FIGN: variants seen among roughly 807,000 people sequenced by gnomAD.
The protein encoded by FIGN is fidgetin, microtubule severing factor.
In FIGN, 11 loss-of-function variants were observed where a neutral mutation model predicts 51.3. That is an observed-to-expected ratio of 0.21 (90% CI 0.13 to 0.35). The LOEUF is 0.35. Ranked by LOEUF, FIGN falls within the 10% of genes least tolerant of loss-of-function variation. FIGN has a pLI of 1.00. For missense variants in FIGN, 857 were observed against 943.6 expected, an observed-to-expected ratio of 0.91 and a Z score of 1.20; for synonymous variants, 407 against 363.2, an observed-to-expected ratio of 1.12 and a Z score of -1.37.
At chr2:163,655,766 T>C in intron 2 of FIGN, among the ~76,000 whole-genome samples, 1 of 147,912 alleles carries the variant, frequency 6.8e-6, no homozygotes, top group African/African-American at 2.6e-5. Context: ...CTACACTACA[T>C]ACATAAACAC....
intron 2 of FIGN, among the ~76,000 whole-genome samples, chr2:163,638,464 T>C (rs1683259037): frequency 1.3e-5 from 2 of 152,126 alleles, no homozygotes; most frequent in African/African-American, 2.4e-5. Flanking sequence ...CAATTAGTAA[T>C]GTGGTGCCCA....
chr2:163,617,925 G>A (rs893901389), intron 2 of FIGN, among the ~76,000 whole-genome samples: 1 of 152,076 alleles, frequency 6.6e-6, no homozygotes, highest in African/African-American at 2.4e-5. Flanking sequence ...AAGGCCAGGG[G>A]TGCATTAAAG....
At chr2:163,644,490 G>C (rs537066566) in intron 2 of FIGN, among the ~76,000 whole-genome samples, 12 of 152,190 alleles carry the variant, frequency 7.9e-5, no homozygotes, top group Non-Finnish European at 1.3e-4. Flanking sequence ...GTGAAAATGT[G>C]AAGTGCGGCT....
intron 2 of FIGN, among the ~76,000 whole-genome samples, chr2:163,626,473 T>A (rs560821763): frequency 6.6e-6 from 1 of 152,212 alleles, no homozygotes; most frequent in South Asian, 2.1e-4. Context: ...AGAGAATGTA[T>A]GCTTTCTATG....
At chr2:163,613,419 C>T (rs1474727061) in intron 2 of FIGN, among the ~76,000 whole-genome samples, 1 of 152,012 alleles carries the variant, frequency 6.6e-6, no homozygotes, top group Non-Finnish European at 1.5e-5. Flanking sequence ...TCAGTTTCTA[C>T]CCCCTTCTGT....
intron 2 of FIGN, among the ~76,000 whole-genome samples, chr2:163,617,864 C>G (rs989369408): frequency 3.3e-5 from 5 of 152,216 alleles, no homozygotes; most frequent in Non-Finnish European, 5.9e-5. Flanking sequence ...GAAACTATTT[C>G]CCAACTGTGA....
chr2:163,714,130 C>T (rs997905043), intron 2 of FIGN, among the ~76,000 whole-genome samples: 1 of 152,152 alleles, frequency 6.6e-6, no homozygotes, highest in Non-Finnish European at 1.5e-5. Context: ...GAGCCTTAAA[C>T]CTTCATGGCA....
chr2:163,702,879 C>T (rs898209539), intron 2 of FIGN, among the ~76,000 whole-genome samples: 1 of 151,970 alleles, frequency 6.6e-6, no homozygotes, highest in Admixed American at 6.6e-5. Flanking sequence ...AAAAAGAGTA[C>T]CAATTATCCC....
At chr2:163,639,568 C>T (rs1232171240) in intron 2 of FIGN, among the ~76,000 whole-genome samples, 7 of 152,036 alleles carry the variant, frequency 4.6e-5, no homozygotes, top group Non-Finnish European at 8.8e-5. Context: ...GGTGATAGTG[C>T]CTCAGATACA....
chr2:163,649,530 C>T (rs1196405926), intron 2 of FIGN, among the ~76,000 whole-genome samples: 1 of 152,158 alleles, frequency 6.6e-6, no homozygotes, highest in East Asian at 1.9e-4. Flanking sequence ...CCCAGCTGAG[C>T]TCAGCCTTCC....
At chr2:163,723,586 C>A (rs749642672) in intron 2 of FIGN, among the ~76,000 whole-genome samples, 1 of 152,058 alleles carries the variant, frequency 6.6e-6, no homozygotes, top group Non-Finnish European at 1.5e-5. Context: ...TTTCAACAAG[C>A]GAAGAAGAAC....
intron 2 of FIGN, among the ~76,000 whole-genome samples, chr2:163,672,168 C>A (rs1405260749): frequency 1.3e-5 from 2 of 151,928 alleles, no homozygotes; most frequent in East Asian, 1.9e-4. Flanking sequence ...TCTCCTCTGT[C>A]CATTTTTTCC....
intron 2 of FIGN, among the ~76,000 whole-genome samples, chr2:163,703,758 T>C (rs1382824040): frequency 6.6e-6 from 1 of 152,090 alleles, no homozygotes; most frequent in Non-Finnish European, 1.5e-5. Flanking sequence ...GGGAAAGCCA[T>C]GTTAACTTGA....
intron 2 of FIGN, among the ~76,000 whole-genome samples, chr2:163,661,265 A>T (rs1683678533): frequency 2.0e-5 from 3 of 151,400 alleles, no homozygotes; most frequent in Admixed American, 2.0e-4. Context: ...TTTGAGACAG[A>T]GTCTCACTCT....
At chr2:163,685,627 T>C (rs1422882404) in intron 2 of FIGN, among the ~76,000 whole-genome samples, 2 of 152,220 alleles carry the variant, frequency 1.3e-5, no homozygotes, top group Non-Finnish European at 2.9e-5. Flanking sequence ...ATCAGAAGGC[T>C]GAGCCAGACT....
intron 2 of FIGN, among the ~76,000 whole-genome samples, chr2:163,720,051 A>G (rs1215478481): frequency 6.6e-6 from 1 of 152,170 alleles, no homozygotes; most frequent in South Asian, 2.1e-4. Flanking sequence ...GGACAAATGC[A>G]CATGCACAGA....
chr2:163,690,223 T>C (rs1384752290), intron 2 of FIGN, among the ~76,000 whole-genome samples: 2 of 152,168 alleles, frequency 1.3e-5, no homozygotes, highest in East Asian at 3.8e-4. Flanking sequence ...GAAAAACACA[T>C]GATACTTAAT....
rs574023039 is a variant in FIGN at position 163,659,111 on chromosome 2, C to CA, written c.26-47306dup. On this transcript the variant is annotated intron_variant, in intron 2 of 2. Coordinates refer to ENST00000333129, the MANE Select transcript of FIGN (RefSeq NM_018086.4). ...ATGGTCAGATGTTCTATAGTAATTA[C>CA]AAAAAAAAATTCTAAAAAAAGAAAG... is the stretch of plus-strand genomic sequence containing the variant. Among the ~76,000 whole-genome samples the CA allele has an allele frequency of 7.6e-4, 114 of 149,766 alleles. 1 individual carries two copies. Among genetic ancestry groups the CA allele is most frequent in the South Asian group, 1.5e-3 (7 of 4,712 alleles).
chr2:163,647,652 GATT>G (rs1397089573), intron 2 of FIGN, among the ~76,000 whole-genome samples: 1 of 152,128 alleles, frequency 6.6e-6, no homozygotes, highest in Non-Finnish European at 1.5e-5. Context: ...TCCATAACCT[GATT>G]ATTTTTCAGT....
Sources: gnomAD v4.1 joint callset for allele counts (sites outside exome capture counted in the v4.1 genomes callset) on GRCh38, gnomAD v4.1.1 for gene constraint, MANE v1.5 for transcripts, NCBI Gene and HGNC (gene_info 2026-07-23, HGNC 2026-07-21) for gene names.